The following TMEM131 variants were observed in gnomAD, a reference collection of about 807,000 sequenced individuals.
TMEM131 encodes 2610524E03Rik.
Under a neutral mutation model 211.6 loss-of-function variants are expected in TMEM131, and 66 were observed. The ratio of observed to expected loss-of-function variants is 0.31; its 90% CI spans 0.26 to 0.38. The LOEUF (loss-of-function observed/expected upper bound fraction) is 0.38. TMEM131 is among the 10% of genes least tolerant of loss of function. The pLI is 1.00. For missense variants in TMEM131, 2,036 were observed against 2,299.3 expected, an observed-to-expected ratio of 0.89 and a Z score of 2.34; for synonymous variants, 844 against 841.3, an observed-to-expected ratio of 1.00 and a Z score of -0.06.
intron 3 of TMEM131, among the ~76,000 whole-genome samples, chr2:97,902,216 A>G (rs1371781280): frequency 6.6e-6 from 1 of 152,206 alleles, no homozygotes; most frequent in African/African-American, 2.4e-5. Flanking sequence ...AAAGATGAAG[A>G]ACATTATAAC....
At position 97,760,637 on chromosome 2, in the gene TMEM131, G is replaced by A; in HGVS notation, c.5064C>T (p.Ser1688=). Residue 1688 remains serine, a synonymous_variant, in exon 38 of 41, where the codon AGC becomes AGT. Transcript: ENST00000186436. ...CAACAGGAGCGTGTGAAATGCCAAG[G>A]CTGCTGGAGAAACCTGTTTTGTTTG... ...VSSNKTGFSS[S]LGISHAPVDS... The A allele has an allele frequency of 6.2e-7, 1 of 1,613,450 alleles. No individual in the cohort carries two copies. The highest frequency in any genetic ancestry group is 1.1e-5 in the South Asian group (1 of 90,938).
At chr2:97,773,085 G>A (rs1210534005) in intron 32 of TMEM131, among the ~76,000 whole-genome samples, 1 of 152,190 alleles carries the variant, frequency 6.6e-6, no homozygotes, top group African/African-American at 2.4e-5. Flanking sequence ...AGTAGAGACT[G>A]CAGTATAAAG....
At chr2:97,973,603 G>A (rs548418707) in intron 1 of TMEM131, among the ~76,000 whole-genome samples, 6 of 152,154 alleles carry the variant, frequency 3.9e-5, no homozygotes, top group Non-Finnish European at 8.8e-5. Context: ...TTGAGTCCTC[G>A]GTGAAGTACT....
intron 1 of TMEM131, among the ~76,000 whole-genome samples, chr2:97,965,819 C>T (rs1230862841): frequency 6.6e-6 from 1 of 151,810 alleles, no homozygotes; most frequent in African/African-American, 2.4e-5. Context: ...CTATTTTCTA[C>T]CTTTCTTTTG....
chr2:97,835,553 T>C (rs1005985325), intron 8 of TMEM131, among the ~76,000 whole-genome samples: 1 of 152,248 alleles, frequency 6.6e-6, no homozygotes, highest in Non-Finnish European at 1.5e-5. Context: ...ATCTCTTTCC[T>C]GGTTTCAGAA....
intron 2 of TMEM131, among the ~76,000 whole-genome samples, chr2:97,919,703 T>C (rs1676661345): frequency 6.6e-6 from 1 of 152,128 alleles, no homozygotes; most frequent in East Asian, 1.9e-4. Context: ...CCTGAGTAGC[T>C]GGGATTACAG....
intron 26 of TMEM131, 136 bp from the exon 27 acceptor site, chr2:97,797,122 C>G (rs1362436789): frequency 9.7e-7 from 1 of 1,030,566 alleles, no homozygotes; most frequent in Non-Finnish European, 1.4e-6. Context: ...TTTAAGAATT[C>G]AAAAATACAC....
intron 11 of TMEM131, among the ~76,000 whole-genome samples, chr2:97,832,818 A>T (rs1445538184): frequency 6.6e-6 from 1 of 152,188 alleles, no homozygotes; most frequent in Non-Finnish European, 1.5e-5. Flanking sequence ...TATGGCCTAA[A>T]AGTTACTTAC....
chr2:97,879,953 A>C (rs1268189419), intron 4 of TMEM131, among the ~76,000 whole-genome samples: 1 of 152,202 alleles, frequency 6.6e-6, no homozygotes, highest in Non-Finnish European at 1.5e-5. Flanking sequence ...CATGTTGTTA[A>C]AGGATCAACT....
intron 4 of TMEM131, among the ~76,000 whole-genome samples, chr2:97,878,538 C>A (rs941304915): frequency 6.6e-6 from 1 of 152,162 alleles, no homozygotes; most frequent in Non-Finnish European, 1.5e-5. Context: ...TGAGTTCATG[C>A]CCTTTGCAGG....
intron 40 of TMEM131, 30 bp downstream of exon 40, chr2:97,758,863 C>G: frequency 1.3e-6 from 2 of 1,584,108 alleles, no homozygotes. Context: ...GGGCCAGGTC[C>G]AGGCCCCAGC....
chr2:97,971,586 A>C (rs189195311), intron 1 of TMEM131, among the ~76,000 whole-genome samples: 2 of 152,378 alleles, frequency 1.3e-5, no homozygotes, highest in African/African-American at 4.8e-5. Flanking sequence ...AATTAAAATA[A>C]GCTACTTCTA....
At chr2:97,904,633 C>T (rs923397309) in intron 3 of TMEM131, among the ~76,000 whole-genome samples, 10 of 152,014 alleles carry the variant, frequency 6.6e-5, no homozygotes, top group Admixed American at 2.0e-4. Flanking sequence ...TCATTTACTA[C>T]GGTTTCTGAT....
At position 97,855,516 on chromosome 2, in the gene TMEM131, A is replaced by G. The variant is rs182881301; in HGVS notation, c.483+3788T>C. On this transcript the variant is annotated intron_variant, in intron 5 of 40. Transcript: ENST00000186436. ...GGAGTTTGAGACCAGCCTGGCCAAC[A>G]TGGCAAAACTCCATCTCTACCAAAA... 4.6e-5 allele frequency among the ~76,000 whole-genome samples: 7 copies of G among 152,304 alleles called. No individual in the cohort carries two copies. In the East Asian group the frequency reaches 1.3e-3, roughly 29 times the overall value.
At chr2:97,827,103 CAAA>C in intron 11 of TMEM131, 1 of 409,388 alleles carries the variant, frequency 2.4e-6, no homozygotes, top group South Asian at 3.0e-5. Context: ...TTTAAAATCC[CAAA>C]CTTACAAGGT....
At chr2:97,967,760 C>G (rs1679120259) in intron 1 of TMEM131, among the ~76,000 whole-genome samples, 1 of 152,112 alleles carries the variant, frequency 6.6e-6, no homozygotes, top group South Asian at 2.1e-4. Context: ...GAAACAGACT[C>G]TCAGGGATAA....
At chr2:97,975,712 T>G (rs1420274139) in intron 1 of TMEM131, among the ~76,000 whole-genome samples, 1 of 151,786 alleles carries the variant, frequency 6.6e-6, no homozygotes. Context: ...TAACACCAGT[T>G]TTATACAGAT....
chr2:97,886,524 T>C (rs13023980), intron 4 of TMEM131, among the ~76,000 whole-genome samples: 50,742 of 152,006 alleles, frequency 0.33, 9,314 homozygotes, highest in Non-Finnish European at 0.39. Flanking sequence ...CTCTGGGTAC[T>C]TTCCTCAGCT....
intron 29 of TMEM131, 66 bp from the exon 30 acceptor site, chr2:97,793,619 T>C (rs148323565): frequency 4.1e-6 from 6 of 1,454,912 alleles, no homozygotes; most frequent in African/African-American, 1.4e-5. Flanking sequence ...CAAAATTCGA[T>C]GTTAAAGGCA....
Sources: allele counts gnomAD v4.1 joint callset (sites outside exome capture counted in the v4.1 genomes callset), GRCh38; gene constraint gnomAD v4.1.1; transcripts MANE v1.5; gene names NCBI Gene and HGNC (gene_info 2026-07-23, HGNC 2026-07-21).